Variants in PTPRN2 observed in about 807,000 individuals in gnomAD.
PTPRN2 encodes protein tyrosine phosphatase receptor type N2.
A neutral mutation model predicts 118.8 loss-of-function variants in PTPRN2; 74 were observed. The observed-to-expected ratio is 0.62, with a 90% CI of 0.52 to 0.76. The LOEUF is 0.76. Ranked by LOEUF, PTPRN2 falls within the 30% of genes least tolerant of loss-of-function variation. PTPRN2 has a pLI of 0.00. For missense variants in PTPRN2, 1,481 were observed against 1,394.4 expected (o/e 1.06, Z -0.99); for synonymous variants, 641 against 608.0 (o/e 1.05, Z -0.80).
At chr7:157,580,689 C>A (rs1312444440) in intron 17 of PTPRN2, among the ~76,000 whole-genome samples, 6 of 133,248 alleles carry the variant, frequency 4.5e-5, no homozygotes, top group Non-Finnish European at 9.5e-5. Flanking sequence ...CACACCCCAG[C>A]ACCTGGACAC....
At position 157,881,583 on chromosome 7, in the gene PTPRN2, C is replaced by T. The variant is rs539477311; in HGVS notation, c.1788+17090G>A. On this transcript the variant is annotated intron_variant, in intron 12 of 22. Coordinates refer to ENST00000389418, the MANE Select transcript of PTPRN2 (RefSeq NM_002847.5). The surrounding 1 kb of genome is among the most constrained non-coding windows in gnomAD (Gnocchi z 4.7). ...TCAACATGGCAACACCCCCTCAGTA[C>T]ACCCTAGACATCTGAGGCCAAGCCC... is the stretch of plus-strand genomic sequence containing the variant. Among the ~76,000 whole-genome samples, 7 of 152,300 alleles carry T rather than the reference C, an allele frequency of 4.6e-5. No individual in the cohort carries two copies. Among genetic ancestry groups the T allele is most frequent in the African/African-American group, 1.7e-4 (7 of 41,568 alleles).
At chr7:157,912,493 A>G (rs1324677429) in intron 11 of PTPRN2, among the ~76,000 whole-genome samples, 2 of 152,186 alleles carry the variant, frequency 1.3e-5, no homozygotes, top group Non-Finnish European at 2.9e-5. Flanking sequence ...TGGTTTTAAT[A>G]CAGTCTAATT....
rs567831348 is a variant in PTPRN2, at chr7:157,986,033, G to A, written c.1724-87296C>T. ...GTAACGAATCTCTCACTACTGACAA[G>A]AGAAAGGCCAGAACACAAACACACT... On this transcript the variant is annotated intron_variant, in intron 11 of 22. Coordinates refer to ENST00000389418, the MANE Select transcript of PTPRN2 (RefSeq NM_002847.5). The surrounding 1 kb of genome is among the most constrained non-coding windows in gnomAD (Gnocchi z 4.5). Among the ~76,000 whole-genome samples, 2 of 152,326 alleles carry A rather than the reference G, an allele frequency of 1.3e-5. No homozygotes were observed. Among genetic ancestry groups the A allele is most frequent in the South Asian group, 4.1e-4 (2 of 4,828 alleles).
At chr7:157,954,583 T>C (rs1416473816) in intron 11 of PTPRN2, among the ~76,000 whole-genome samples, 1 of 148,632 alleles carries the variant, frequency 6.7e-6, no homozygotes, top group South Asian at 2.2e-4. Context: ...GGTGCCTGTG[T>C]ACTGTGTGTG....
intron 12 of PTPRN2, among the ~76,000 whole-genome samples, chr7:157,866,529 G>A (rs547651394): frequency 1.9e-4 from 29 of 152,060 alleles, no homozygotes; most frequent in African/African-American, 2.9e-4. Context: ...ACTAAACAGC[G>A]CATGTGCCTC....
At chr7:158,402,303 A>C (rs977502497) in intron 2 of PTPRN2, among the ~76,000 whole-genome samples, 1 of 152,100 alleles carries the variant, frequency 6.6e-6, no homozygotes, top group African/African-American at 2.4e-5. Flanking sequence ...GCACCTCCCC[A>C]AATTGGAAAT....
intron 12 of PTPRN2, among the ~76,000 whole-genome samples, chr7:157,759,648 C>T (rs894473257): frequency 3.3e-5 from 5 of 152,220 alleles, no homozygotes; most frequent in Non-Finnish European, 5.9e-5. Context: ...TTATCTTCAG[C>T]GGTTGCTGTT....
intron 2 of PTPRN2, among the ~76,000 whole-genome samples, chr7:158,340,338 G>T: frequency 1.9e-5 from 1 of 52,942 alleles, no homozygotes; most frequent in Non-Finnish European, 3.9e-5. Flanking sequence ...CACCCACACT[G>T]TCACCATAAG....
chr7:158,552,560 C>A (rs533584160), intron 1 of PTPRN2, among the ~76,000 whole-genome samples: 2 of 152,176 alleles, frequency 1.3e-5, no homozygotes, highest in African/African-American at 4.8e-5. Context: ...AGCGATTTTT[C>A]TGCCTCAGCC....
intron 2 of PTPRN2, among the ~76,000 whole-genome samples, chr7:158,410,047 G>T (rs912710962): frequency 1.3e-4 from 20 of 152,202 alleles, no homozygotes; most frequent in African/African-American, 4.8e-4. Flanking sequence ...GATTCAGCCT[G>T]ATCACTCCTT....
intron 11 of PTPRN2, among the ~76,000 whole-genome samples, chr7:158,034,716 GT>G (rs1807976054): frequency 6.6e-6 from 1 of 152,248 alleles, no homozygotes; most frequent in Admixed American, 6.5e-5. Context: ...GTGTGTGAGT[GT>G]CTCACCCTGA....
chr7:157,924,397 ACC>A (rs1434088447), intron 11 of PTPRN2, among the ~76,000 whole-genome samples: 1 of 152,170 alleles, frequency 6.6e-6, no homozygotes, highest in Non-Finnish European at 1.5e-5. Flanking sequence ...AACCGAGGCC[ACC>A]AGCCCTGTTG....
At chr7:158,117,065 A>G (rs1324359311) in intron 9 of PTPRN2, among the ~76,000 whole-genome samples, 2 of 134,608 alleles carry the variant, frequency 1.5e-5, no homozygotes, top group African/African-American at 2.7e-5. Context: ...CAAAGGAAAA[A>G]GGTAAGTCAA....
chr7:158,273,718 C>G (rs1422082033), intron 3 of PTPRN2, among the ~76,000 whole-genome samples: 1 of 112,762 alleles, frequency 8.9e-6, no homozygotes, highest in Admixed American at 1.0e-4. Flanking sequence ...GCTGCAGACA[C>G]AGGAGGAGAC....
chr7:157,641,036 C>T (rs948341462), intron 14 of PTPRN2, among the ~76,000 whole-genome samples: 24 of 152,074 alleles, frequency 1.6e-4, no homozygotes, highest in African/African-American at 4.1e-4. Context: ...GTAAAACAAA[C>T]GGTTGATTTC....
At chr7:158,534,587 G>A (rs1284125468) in intron 1 of PTPRN2, among the ~76,000 whole-genome samples, 3 of 152,156 alleles carry the variant, frequency 2.0e-5, no homozygotes, top group African/African-American at 7.2e-5. Flanking sequence ...CGTACCCCAA[G>A]AGCCTCCATC....
At chr7:158,241,234 G>A (rs968749816) in intron 3 of PTPRN2, among the ~76,000 whole-genome samples, 33 of 152,040 alleles carry the variant, frequency 2.2e-4, no homozygotes, top group Non-Finnish European at 4.1e-4. Context: ...CTTCACTTTC[G>A]GCCGGGCGTG....
At chr7:158,530,583 G>A (rs1277961629) in intron 1 of PTPRN2, among the ~76,000 whole-genome samples, 1 of 152,186 alleles carries the variant, frequency 6.6e-6, no homozygotes, top group Admixed American at 6.5e-5. Context: ...GAAAGCCCAC[G>A]ATGGAACCAG....
At position 157,801,421 on chromosome 7, in the gene PTPRN2, C is replaced by T. The variant is rs948547330; in HGVS notation, c.1788+97252G>A. Among the ~76,000 whole-genome samples the T allele has an allele frequency of 3.3e-5, 5 of 152,182 alleles. No homozygotes were observed. Among genetic ancestry groups the T allele is most frequent in the East Asian group, 1.9e-4 (1 of 5,168 alleles). On this transcript the variant is annotated intron_variant, in intron 12 of 22. Coordinates refer to ENST00000389418, the MANE Select transcript of PTPRN2 (RefSeq NM_002847.5). This position sits in a 1 kb window ranked among gnomAD's most constrained non-coding sequence, Gnocchi z 4.2. Reference sequence around the variant, plus strand: ...GAGGCTCTGCATCACGAGAGTGCTGCGTTAACCCAGGTGCGGGGGATATTA... The same window carrying T: ...GAGGCTCTGCATCACGAGAGTGCTGTGTTAACCCAGGTGCGGGGGATATTA...
Sources: allele counts gnomAD v4.1 joint callset (sites outside exome capture counted in the v4.1 genomes callset), GRCh38; gene constraint gnomAD v4.1.1; non-coding constraint Gnocchi (gnomAD v3.1); transcripts MANE v1.5; gene names NCBI Gene and HGNC (gene_info 2026-07-23, HGNC 2026-07-21).